ITPR1: variants seen among roughly 807,000 people sequenced by gnomAD.
ITPR1 encodes the protein inositol 1,4,5-trisphosphate receptor type 1, also known as inositol 1,4,5-trisphosphate-gated calcium channel ITPR1.
Under a neutral mutation model 318.4 loss-of-function variants are expected in ITPR1, and 96 were observed. The observed-to-expected ratio is 0.30, with a 90% CI of 0.26 to 0.36. The LOEUF (loss-of-function observed/expected upper bound fraction) is 0.36, where lower values mean the gene tolerates loss of function less well. Ranked by LOEUF, ITPR1 falls within the 10% of genes least tolerant of loss-of-function variation. The pLI, the probability that ITPR1 is intolerant of heterozygous loss-of-function variation, is 1.00. For synonymous variants in ITPR1, 1,312 were observed against 1,289.9 expected (o/e 1.02, Z -0.37); for missense variants, 2,440 against 3,460.2 (o/e 0.71, Z 7.40).
At chr3:4,686,161 T>C (rs1182340651) in intron 30 of ITPR1, among the ~76,000 whole-genome samples, 1 of 152,118 alleles carries the variant, frequency 6.6e-6, no homozygotes, top group Non-Finnish European at 1.5e-5. Flanking sequence ...GTAACTTGCG[T>C]GGATGGCACA....
At chr3:4,652,046 G>T (rs1318865833) in intron 10 of ITPR1, 77 bp from the exon 11 acceptor site, 5 of 1,115,318 alleles carry the variant, frequency 4.5e-6, no homozygotes, top group African/African-American at 1.5e-5. Context: ...CCTGAACTAT[G>T]ACTTGTGATA....
chr3:4,814,403 G>A lies in ITPR1; in HGVS notation c.7562-20G>A, dbSNP rs6800071. 20,443 of 1,613,592 alleles carry A rather than the reference G, an allele frequency of 0.013. 1,748 individuals carry two copies. In the African/African-American group the frequency reaches 0.21, roughly 16 times the overall value. ...TTTCTCCTCACGTTTTCTCTCTGTT[G>A]TTACTTGCCGTGTTCACAGAGCTGG... On this transcript the variant is annotated intron_variant, in intron 57 of 61. Transcript: ENST00000649015.
intron 44 of ITPR1, among the ~76,000 whole-genome samples, chr3:4,762,968 G>A (rs1269482557): frequency 1.3e-5 from 2 of 152,138 alleles, no homozygotes; most frequent in Non-Finnish European, 2.9e-5. Flanking sequence ...ACTGGATAAA[G>A]AAATTATAGT....
intron 42 of ITPR1, among the ~76,000 whole-genome samples, chr3:4,730,234 A>G (rs1234396997): frequency 6.6e-6 from 1 of 150,396 alleles, no homozygotes; most frequent in Non-Finnish European, 1.5e-5. Context: ...AAAAAAACAA[A>G]AAAAAACCTT....
intron 4 of ITPR1, among the ~76,000 whole-genome samples, chr3:4,534,151 A>AATCCCCTAAT (rs2083653618): frequency 6.6e-6 from 1 of 152,154 alleles, no homozygotes. Flanking sequence ...ATACAAGTGC[A>AATCCCCTAAT]GTTTTGTTAC....
At chr3:4,508,231 G>A (rs975181139) in intron 2 of ITPR1, among the ~76,000 whole-genome samples, 3 of 152,128 alleles carry the variant, frequency 2.0e-5, no homozygotes, top group African/African-American at 7.2e-5. Flanking sequence ...TTAATTAAAC[G>A]TAGGAGGCTT....
At chr3:4,579,207 C>T (rs1009602073) in intron 4 of ITPR1, among the ~76,000 whole-genome samples, 1 of 152,116 alleles carries the variant, frequency 6.6e-6, no homozygotes, top group Admixed American at 6.6e-5. Flanking sequence ...AAAGATGTGT[C>T]GTTGTGATGA....
Position 4,683,739 on chromosome 3 carries a change from C to G in ITPR1, c.3439C>G (p.Gln1147Glu). 1 of 1,613,988 alleles carries G rather than the reference C, an allele frequency of 6.2e-7. No homozygotes were observed. The highest frequency in any genetic ancestry group is 8.5e-7 in the Non-Finnish European group (1 of 1,179,872). ...GTCAGAGCTTTGGGTGTACAAAGGG[C>G]AGGGCCCCGATGAGACTATGGATGG... Reference protein sequence around the residue: ...EKSELWVYKGQGPDETMDGAS... With the variant: ...EKSELWVYKGEGPDETMDGAS... The change falls in exon 28 of 62, where the codon CAG becomes GAG. Residue 1147 changes from glutamine (Q) to glutamate (E), a missense_variant. This residue lies in a region of ITPR1 where 86 missense variants were observed against 75.6 expected (regional missense o/e 1.14). Coordinates refer to ENST00000649015, the MANE Select transcript of ITPR1 (RefSeq NM_001378452.1).
At chr3:4,830,212 G>A (rs1344485174) in intron 60 of ITPR1, among the ~76,000 whole-genome samples, 2 of 151,956 alleles carry the variant, frequency 1.3e-5, no homozygotes, top group African/African-American at 4.8e-5. Flanking sequence ...CTGACCTCAG[G>A]TGATCCGTCC....
intron 40 of ITPR1, among the ~76,000 whole-genome samples, chr3:4,724,204 G>C (rs1024346800): frequency 3.9e-5 from 6 of 152,208 alleles, no homozygotes; most frequent in Non-Finnish European, 7.3e-5. Context: ...GTCCAGAATT[G>C]AGTGAGCAAC....
At chr3:4,761,838 A>G (rs769696183) in intron 44 of ITPR1, among the ~76,000 whole-genome samples, 2 of 152,212 alleles carry the variant, frequency 1.3e-5, no homozygotes, top group Non-Finnish European at 2.9e-5. Context: ...AGAACATTCC[A>G]TTCCCCACCC....
intron 4 of ITPR1, among the ~76,000 whole-genome samples, chr3:4,575,437 C>G (rs1559474384): frequency 6.6e-6 from 1 of 152,072 alleles, no homozygotes; most frequent in Non-Finnish European, 1.5e-5. Context: ...TAAAATATTG[C>G]CTTAAAAAGC....
intron 35 of ITPR1, among the ~76,000 whole-genome samples, 170 bp downstream of exon 35, chr3:4,700,111 G>A (rs1205926680): frequency 6.6e-6 from 1 of 152,214 alleles, no homozygotes; most frequent in Non-Finnish European, 1.5e-5. Flanking sequence ...GGGTAAAGAA[G>A]TACCTGGGGA....
At chr3:4,814,197 A>G (rs1575351167) in intron 57 of ITPR1, 1 of 543,026 alleles carries the variant, frequency 1.8e-6, no homozygotes, top group African/African-American at 1.9e-5. Flanking sequence ...ACAGAGGGAG[A>G]GCAATACTAC....
intron 5 of ITPR1, among the ~76,000 whole-genome samples, chr3:4,630,490 T>G (rs191802774): frequency 5.9e-4 from 90 of 151,776 alleles, no homozygotes; most frequent in African/African-American, 2.0e-3. Flanking sequence ...ATGCCCATAA[T>G]CTATTCCTGC....
intron 4 of ITPR1, among the ~76,000 whole-genome samples, chr3:4,523,908 A>G (rs1304810134): frequency 6.6e-6 from 1 of 152,240 alleles, no homozygotes; most frequent in Non-Finnish European, 1.5e-5. Flanking sequence ...GATAACGGTA[A>G]TAGTCTGACA....
chr3:4,635,073 A>C (rs556348055), intron 5 of ITPR1, among the ~76,000 whole-genome samples: 1 of 152,204 alleles, frequency 6.6e-6, no homozygotes, highest in South Asian at 2.1e-4. Flanking sequence ...CTACACGGTT[A>C]CTTCCTTGTT....
chr3:4,692,507 G>C (rs76987760), intron 32 of ITPR1, among the ~76,000 whole-genome samples: 430 of 152,320 alleles, frequency 2.8e-3, no homozygotes, highest in African/African-American at 9.9e-3. Flanking sequence ...TGTCTAAAGA[G>C]TTTATCTTGG....
intron 44 of ITPR1, among the ~76,000 whole-genome samples, chr3:4,747,400 G>A (rs968840841): frequency 6.6e-6 from 1 of 152,218 alleles, no homozygotes; most frequent in Admixed American, 6.5e-5. Context: ...ACGTGAGTTT[G>A]TAACCTCTCT....
Sources: allele counts gnomAD v4.1 joint callset (sites outside exome capture counted in the v4.1 genomes callset), GRCh38; gene constraint gnomAD v4.1.1; regional missense constraint gnomAD v4.1.1; transcripts MANE v1.5; gene names NCBI Gene and HGNC (gene_info 2026-07-23, HGNC 2026-07-21).